ARHGAP42: variants seen among roughly 807,000 people sequenced by gnomAD.
ARHGAP42 encodes Rho GTPase activating protein 42.
Under a neutral mutation model 125.0 loss-of-function variants are expected in ARHGAP42, and 63 were observed. The observed-to-expected ratio is 0.50, with a 90% CI of 0.41 to 0.62. The LOEUF is 0.62. Ranked by LOEUF, ARHGAP42 falls within the 20% of genes least tolerant of loss-of-function variation. The probability of loss-of-function intolerance (pLI) is 0.00; values close to 1 mark genes in which losing one functional copy is unlikely to be tolerated. For synonymous variants in ARHGAP42, 339 were observed against 351.0 expected (o/e 0.97, Z 0.38); for missense variants, 766 against 1,024.2 (o/e 0.75, Z 3.44).
intron 3 of ARHGAP42, among the ~76,000 whole-genome samples, chr11:100,828,047 A>G (rs547263463): frequency 9.8e-4 from 149 of 152,268 alleles, no homozygotes; most frequent in African/African-American, 3.4e-3. Flanking sequence ...ACTGCTGCCT[A>G]TCACTGAGCA....
At chr11:100,855,961 A>G (rs1865313277) in intron 3 of ARHGAP42, among the ~76,000 whole-genome samples, 3 of 152,194 alleles carry the variant, frequency 2.0e-5, no homozygotes, top group South Asian at 4.1e-4. Flanking sequence ...ATCTTCAATA[A>G]TTTATCTTAT....
At chr11:100,720,519 A>G (rs1351907694) in intron 1 of ARHGAP42, among the ~76,000 whole-genome samples, 4 of 152,172 alleles carry the variant, frequency 2.6e-5, no homozygotes, top group Non-Finnish European at 5.9e-5. Flanking sequence ...ATGGGGGAAA[A>G]AGGCCCAAGA....
intron 1 of ARHGAP42, among the ~76,000 whole-genome samples, chr11:100,767,646 T>G (rs890138080): frequency 1.3e-5 from 2 of 152,002 alleles, no homozygotes; most frequent in African/African-American, 4.8e-5. Flanking sequence ...AGAAGAACGC[T>G]TGGTGGTGGC....
chr11:100,792,116 G>A (rs981736475), intron 2 of ARHGAP42, among the ~76,000 whole-genome samples: 4 of 152,302 alleles, frequency 2.6e-5, no homozygotes, highest in Admixed American at 2.0e-4. Flanking sequence ...GTATGAGCCA[G>A]TGATCATTTC....
chr11:100,950,672 G>C (rs1857629557), intron 12 of ARHGAP42, among the ~76,000 whole-genome samples: 1 of 151,810 alleles, frequency 6.6e-6, no homozygotes, highest in Admixed American at 6.6e-5. Flanking sequence ...TCTTTTATCT[G>C]TGGTTAGTTT....
chr11:100,710,697 C>T (rs895275307), intron 1 of ARHGAP42, among the ~76,000 whole-genome samples: 1 of 151,586 alleles, frequency 6.6e-6, no homozygotes, highest in Admixed American at 6.6e-5. Context: ...CATGCCACCA[C>T]ACCCAGCTAA....
chr11:100,757,440 G>A (rs1862603007), intron 1 of ARHGAP42, among the ~76,000 whole-genome samples: 1 of 152,146 alleles, frequency 6.6e-6, no homozygotes, highest in Non-Finnish European at 1.5e-5. Flanking sequence ...ATATTAATAT[G>A]ATTTGAAAAA....
chr11:100,867,428 A>G (rs548604118), intron 4 of ARHGAP42, among the ~76,000 whole-genome samples: 2 of 152,176 alleles, frequency 1.3e-5, no homozygotes, highest in Non-Finnish European at 2.9e-5. Context: ...TTGCTGCTTC[A>G]CCTGAGACGT....
chr11:100,922,046 T>C (rs1451013561), intron 6 of ARHGAP42, among the ~76,000 whole-genome samples: 1 of 152,092 alleles, frequency 6.6e-6, no homozygotes, highest in African/African-American at 2.4e-5. Flanking sequence ...TTTCCACTCA[T>C]TTTTTGGCAA....
intron 20 of ARHGAP42, 61 bp from the exon 21 acceptor site, chr11:100,976,754 G>T (rs1022582962): frequency 2.3e-5 from 35 of 1,529,656 alleles, no homozygotes; most frequent in Non-Finnish European, 3.0e-5. Context: ...GCACATGTAC[G>T]TGTTATTGCT....
intron 4 of ARHGAP42, among the ~76,000 whole-genome samples, chr11:100,877,879 C>T (rs1268953248): frequency 6.6e-6 from 1 of 151,738 alleles, no homozygotes; most frequent in Non-Finnish European, 1.5e-5. Flanking sequence ...GTGGCACATG[C>T]CTGTAATCCC....
At chr11:100,730,221 GA>G (rs1039394591) in intron 1 of ARHGAP42, among the ~76,000 whole-genome samples, 1 of 151,796 alleles carries the variant, frequency 6.6e-6, no homozygotes, top group African/African-American at 2.4e-5. Flanking sequence ...AGGACATCAT[GA>G]TTTTTTTTTT....
chr11:100,917,458 G>A (rs1413502309), intron 5 of ARHGAP42, among the ~76,000 whole-genome samples: 1 of 152,092 alleles, frequency 6.6e-6, no homozygotes, highest in Non-Finnish European at 1.5e-5. Context: ...ACTTTAGATT[G>A]ACCAATTCCT....
At chr11:100,737,020 C>T (rs1249322638) in intron 1 of ARHGAP42, among the ~76,000 whole-genome samples, 1 of 151,948 alleles carries the variant, frequency 6.6e-6, no homozygotes, top group Non-Finnish European at 1.5e-5. Context: ...AGTCAGTGGC[C>T]TGTGAAAAGA....
chr11:100,989,426 A>G lies in ARHGAP42; in HGVS notation c.*625A>G, dbSNP rs1333077619. The G allele has an allele frequency of 7.4e-6, 2 of 271,238 alleles. No individual in the cohort carries two copies. Among genetic ancestry groups the G allele is most frequent in the Non-Finnish European group, 1.4e-5 (2 of 146,592 alleles). The allele number at this position is 271,238 out of a possible 1,614,324, so 16.8% of individuals were successfully genotyped here. ...CAAAATTAAGTCATACACTGATTCC[A>G]CTGTAAACAATCTGTCCAGAATTCC... On this transcript the variant is annotated 3_prime_UTR_variant, in exon 24 of 24. Transcript: ENST00000298815.
At chr11:100,907,399 C>T (rs1200009391) in intron 4 of ARHGAP42, among the ~76,000 whole-genome samples, 1 of 152,100 alleles carries the variant, frequency 6.6e-6, no homozygotes, top group African/African-American at 2.4e-5. Flanking sequence ...AGTTTGATTA[C>T]CTGGTGGTGG....
At chr11:100,801,718 A>G (rs1379155740) in intron 3 of ARHGAP42, among the ~76,000 whole-genome samples, 1 of 152,380 alleles carries the variant, frequency 6.6e-6, no homozygotes, top group East Asian at 1.9e-4. Context: ...AGTATGTTTC[A>G]GAACCTTTTG....
intron 3 of ARHGAP42, among the ~76,000 whole-genome samples, chr11:100,807,831 A>G (rs1671782857): frequency 6.6e-6 from 1 of 152,068 alleles, no homozygotes; most frequent in African/African-American, 2.4e-5. Flanking sequence ...TTCCATTTTT[A>G]TCTTTGCACT....
In ARHGAP42 at chr11:100,687,427, C is replaced by T. The variant is rs1861100929; in HGVS notation, c.-252C>T. On this transcript the variant is annotated 5_prime_UTR_variant, in exon 1 of 24. Coordinates refer to ENST00000298815, the MANE Select transcript of ARHGAP42 (RefSeq NM_152432.4). ...TCCGAACGACGATGCGTCCAGATGACAACAACCTGAGGGGACTCGCGCCTC... is the reference window on the plus strand; with the variant it reads ...TCCGAACGACGATGCGTCCAGATGATAACAACCTGAGGGGACTCGCGCCTC... Among the ~76,000 whole-genome samples the T allele has an allele frequency of 6.6e-6, 1 of 152,000 alleles. No homozygotes were observed. Among genetic ancestry groups the T allele is most frequent in the African/African-American group, 2.4e-5 (1 of 41,438 alleles).
Sources: allele counts gnomAD v4.1 joint callset (sites outside exome capture counted in the v4.1 genomes callset), GRCh38; gene constraint gnomAD v4.1.1; transcripts MANE v1.5; gene names NCBI Gene and HGNC (gene_info 2026-07-23, HGNC 2026-07-21).